The following NAPA variants were observed in gnomAD, a reference collection of about 807,000 sequenced individuals.
NAPA encodes the protein NSF attachment protein alpha, also known as alpha-soluble NSF attachment protein.
NAPA carries 18 observed loss-of-function variants against 48.0 expected under a neutral mutation model. That is an observed-to-expected ratio of 0.38 (90% CI 0.26 to 0.56). The LOEUF is 0.56. NAPA is among the 20% of genes least tolerant of loss of function. The pLI, the probability that NAPA is intolerant of heterozygous loss-of-function variation, is 0.77. For missense variants in NAPA, 315 were observed against 385.0 expected (o/e 0.82, Z 1.52); for synonymous variants, 152 against 149.9 (o/e 1.01, Z -0.10).
At position 47,495,679 on chromosome 19, in the gene NAPA, G is replaced by A. The variant is rs571975724; in HGVS notation, c.296-83C>T. 452 of 1,317,546 alleles carry A rather than the reference G, an allele frequency of 3.4e-4. No homozygotes were observed. In the African/African-American group the frequency reaches 3.5e-3, roughly 10 times the overall value. 81.6% of individuals were successfully genotyped at this position (1,317,546 alleles called of 1,614,324 possible). A position where few individuals can be genotyped will look rare whatever the true frequency, so the allele number is the denominator to read the frequency against. On this transcript the variant is annotated intron_variant, in intron 3 of 10. Coordinates refer to ENST00000263354, the MANE Select transcript of NAPA (RefSeq NM_003827.4). ...CTGAGGAGAGGAGGCGGACGCAGGCGCACCTGGCTGCCAGCAGAGAGATCA... is the reference window on the plus strand; with the variant it reads ...CTGAGGAGAGGAGGCGGACGCAGGCACACCTGGCTGCCAGCAGAGAGATCA...
At chr19:47,490,490 TGTG>T (rs1968229322) in intron 9 of NAPA, among the ~76,000 whole-genome samples, 1 of 80,502 alleles carries the variant, frequency 1.2e-5, no homozygotes, top group Non-Finnish European at 2.5e-5. Flanking sequence ...TGTGGTGTGG[TGTG>T]ATGTGTGTGG....
chr19:47,486,583 G>A (rs1292196649), downstream of NAPA, among the ~76,000 whole-genome samples: 2 of 152,168 alleles, frequency 1.3e-5, no homozygotes, highest in Non-Finnish European at 2.9e-5. Context: ...TTACAGGCAT[G>A]AGCCACAGCA....
rs114440677 is a variant in NAPA, at chr19:47,501,279, A to G, written c.179-530T>C. 6.9e-3 allele frequency among the ~76,000 whole-genome samples: 1,047 copies of G among 152,292 alleles called. 7 individuals are homozygous for G. Among genetic ancestry groups the G allele is most frequent in the African/African-American group, 0.024 (998 of 41,542 alleles). On this transcript the variant is annotated intron_variant, in intron 2 of 10. Coordinates refer to ENST00000263354, the MANE Select transcript of NAPA (RefSeq NM_003827.4). ...AGAAGGCAAAGTACAGGCTGAAATC[A>G]TGGGGTGGCTTCGGAGGGGTATTTT...
At chr19:47,501,190 C>T (rs1968568347) in intron 2 of NAPA, among the ~76,000 whole-genome samples, 1 of 152,146 alleles carries the variant, frequency 6.6e-6, no homozygotes, top group East Asian at 1.9e-4. Flanking sequence ...TGGCCTCCTG[C>T]ACCTCCCGGC....
intron 3 of NAPA, among the ~76,000 whole-genome samples, chr19:47,499,467 G>A (rs370290652): frequency 4.6e-5 from 7 of 152,336 alleles, no homozygotes; most frequent in African/African-American, 1.7e-4. Flanking sequence ...GGGTCTCCCT[G>A]GGTCATCACT....
chr19:47,505,994 C>CTT (rs760461648), intron 1 of NAPA, among the ~76,000 whole-genome samples: 66 of 126,920 alleles, frequency 5.2e-4, no homozygotes, highest in African/African-American at 1.3e-3. Flanking sequence ...GGAGTGACTT[C>CTT]TTTTTTTTTT....
In NAPA at chr19:47,493,957, C is replaced by T. The variant is rs1223347224; in HGVS notation, c.343-464G>A. On this transcript the variant is annotated intron_variant, in intron 4 of 10. Coordinates refer to ENST00000263354, the MANE Select transcript of NAPA (RefSeq NM_003827.4). This position sits in a 1 kb window ranked among gnomAD's most constrained non-coding sequence, Gnocchi z 6.4. ...TGCCCAAGAGTACCAGCTCTGCCCCCAGGCCAACACCTATCTGTCAGCCTC... is the reference window on the plus strand; with the variant it reads ...TGCCCAAGAGTACCAGCTCTGCCCCTAGGCCAACACCTATCTGTCAGCCTC... Among the ~76,000 whole-genome samples, 2 of 152,192 alleles carry T rather than the reference C, an allele frequency of 1.3e-5. No homozygotes were observed. The highest frequency in any genetic ancestry group is 2.9e-5 in the Non-Finnish European group (2 of 68,016).
chr19:47,485,890 T>C (rs977984728), downstream of NAPA, among the ~76,000 whole-genome samples: 4 of 152,200 alleles, frequency 2.6e-5, no homozygotes, highest in South Asian at 2.1e-4. Context: ...GTGGGTCTAG[T>C]GCCACTTCAG....
Position 47,513,180 on chromosome 19 carries a change from T to C in NAPA, c.98+1663A>G, listed in dbSNP as rs116686482. On this transcript the variant is annotated intron_variant, in intron 1 of 10. Transcript: ENST00000263354. ...TCTCCTTCCTCTGCCCAGAGCCTCA[T>C]GCTCCTCTCAACCCTACTAAGTCTT... Among the ~76,000 whole-genome samples the C allele has an allele frequency of 2.7e-3, 416 of 152,008 alleles. 2 individuals are homozygous for C. The highest frequency in any genetic ancestry group is 9.6e-3 in the African/African-American group (399 of 41,518).
chr19:47,496,814 CCTT>C (rs55674462), intron 3 of NAPA: 57,633 of 454,380 alleles, frequency 0.13, 4,307 homozygotes, highest in Admixed American at 0.24. Context: ...TCCAACCCCT[CCTT>C]CTGACATGTA....
Position 47,488,114 on chromosome 19 carries a change from GC to G in NAPA, c.*173del. 1.7e-6 allele frequency: 1 copy of G among 591,340 alleles called. No individual in the cohort carries two copies. Among genetic ancestry groups the G allele is most frequent in the Non-Finnish European group, 3.0e-6 (1 of 330,604 alleles). The allele number at this position is 591,340 out of a possible 1,614,324, so 36.6% of individuals were successfully genotyped here. On this transcript the variant is annotated 3_prime_UTR_variant, in exon 11 of 11. Coordinates refer to ENST00000263354, the MANE Select transcript of NAPA (RefSeq NM_003827.4). ...AGCGAGAACAGAGGGTGACTGTCCG[GC>G]CAGCAGCCTGGGCCTCTGGCGCCCC...
rs370165700 is a variant in NAPA, at chr19:47,492,152, C to G, written c.562-33G>C. 11 of 1,586,314 alleles carry G rather than the reference C, an allele frequency of 6.9e-6. No individual in the cohort carries two copies. The African/African-American group carries it at 1.2e-4, about 17-fold the overall frequency. On this transcript the variant is annotated intron_variant, in intron 7 of 10. Coordinates refer to ENST00000263354, the MANE Select transcript of NAPA (RefSeq NM_003827.4). ...CATGGAGAAGTGGCACTGGTGAGCT[C>G]AGGGCAAGCAGCCAGAGGGCCAGAG...
intron 1 of NAPA, among the ~76,000 whole-genome samples, chr19:47,503,962 C>G (rs1330150447): frequency 6.6e-6 from 1 of 152,134 alleles, no homozygotes; most frequent in Non-Finnish European, 1.5e-5. Context: ...TGTGGTTGCT[C>G]AATAAAGACC....
At chr19:47,504,991 C>A (rs1174324379) in intron 1 of NAPA, among the ~76,000 whole-genome samples, 1 of 152,138 alleles carries the variant, frequency 6.6e-6, no homozygotes, top group Admixed American at 6.5e-5. Context: ...GGCTTCTTGA[C>A]CTCCACATGT....
At chr19:47,502,017 CG>C (rs1412990385) in intron 2 of NAPA, among the ~76,000 whole-genome samples, 2 of 151,630 alleles carry the variant, frequency 1.3e-5, no homozygotes, top group Admixed American at 1.3e-4. Flanking sequence ...CCGAGGTGGG[CG>C]GATCACGAGA....
At chr19:47,505,535 G>A (rs796427152) in intron 1 of NAPA, 4 of 152,368 alleles carry the variant, frequency 2.6e-5, no homozygotes, top group African/African-American at 9.6e-5. Context: ...AGTAGGGTCT[G>A]GATGGGGCCT....
chr19:47,492,177 G>A lies in NAPA; in HGVS notation c.562-58C>T. The A allele has an allele frequency of 2.0e-6, 3 of 1,486,970 alleles. No homozygotes were observed. In the South Asian group the frequency reaches 3.5e-5, roughly 17 times the overall value. The allele number at this position is 1,486,970 out of a possible 1,614,324, so 92.1% of individuals were successfully genotyped here. On this transcript the variant is annotated intron_variant, in intron 7 of 10. Coordinates refer to ENST00000263354, the MANE Select transcript of NAPA (RefSeq NM_003827.4). The stretch of plus-strand genomic sequence containing the variant: ...CAGGGCAAGCAGCCAGAGGGCCAGA[G>A]CCACTGCCAGGCACTGGGGGGCCAG...
At position 47,491,146 on chromosome 19, in the gene NAPA, A is replaced by G. The variant is rs1968255426; in HGVS notation, c.667-290T>C. ...ACCTGGCTCAGCTGGGGCAGGGGACAAATGAGCACATCCTCCATGCCAGGC... is the reference window on the plus strand; with the variant it reads ...ACCTGGCTCAGCTGGGGCAGGGGACGAATGAGCACATCCTCCATGCCAGGC... On this transcript the variant is annotated intron_variant, in intron 8 of 10. Transcript: ENST00000263354. The G allele has an allele frequency of 5.7e-5, 21 of 365,932 alleles. No individual in the cohort carries two copies. The South Asian group carries it at 6.2e-4, about 11-fold the overall frequency. 22.7% of individuals were successfully genotyped at this position (365,932 alleles called of 1,614,324 possible).
intron 2 of NAPA, 54 bp from the exon 3 acceptor site, chr19:47,500,803 A>G (rs1394747825): frequency 2.3e-5 from 32 of 1,379,726 alleles, no homozygotes; most frequent in Non-Finnish European, 2.8e-5. Flanking sequence ...ACACTTTATG[A>G]AGCCACAGAG....
Sources: gnomAD v4.1 joint callset for allele counts (sites outside exome capture counted in the v4.1 genomes callset) on GRCh38, gnomAD v4.1.1 for gene constraint, Gnocchi (gnomAD v3.1) non-coding constraint, MANE v1.5 for transcripts, NCBI Gene and HGNC (gene_info 2026-07-23, HGNC 2026-07-21) for gene names.